The following FOXP2 variants were observed in gnomAD, a reference collection of about 807,000 sequenced individuals.
The protein encoded by FOXP2 is forkhead box P2, also known as forkhead box protein P2.
Under a neutral mutation model 115.8 loss-of-function variants are expected in FOXP2, and 12 were observed. That is an observed-to-expected ratio of 0.10 (90% CI 0.07 to 0.17). The LOEUF (loss-of-function observed/expected upper bound fraction) is 0.17. FOXP2 is among the 10% of genes least tolerant of loss of function. The probability of loss-of-function intolerance (pLI) is 1.00; values close to 1 mark genes in which losing one functional copy is unlikely to be tolerated. For synonymous variants in FOXP2, 328 were observed against 297.7 expected, an observed-to-expected ratio of 1.10 and a Z score of -1.05; for missense variants, 629 against 843.5, an observed-to-expected ratio of 0.75 and a Z score of 3.15.
intron 16 of FOXP2, among the ~76,000 whole-genome samples, chr7:114,685,065 G>T (rs1230998667): frequency 6.6e-6 from 1 of 151,750 alleles, no homozygotes; most frequent in Admixed American, 6.6e-5. Context: ...ATGGATTTAG[G>T]CTTTTACTAT....
rs948620804 is a variant in FOXP2, at chr7:114,218,895, G to A, written c.-102+55807G>A. Among the ~76,000 whole-genome samples the A allele has an allele frequency of 7.9e-5, 12 of 152,190 alleles. No individual in the cohort carries two copies. The East Asian group carries it at 1.9e-3, about 25-fold the overall frequency. ...CGTATTATTATATCAAATCATGCTTGATATATTTTGGTACCAGCTGCCGTC... is the reference window on the plus strand; with the variant it reads ...CGTATTATTATATCAAATCATGCTTAATATATTTTGGTACCAGCTGCCGTC... On this transcript the variant is annotated intron_variant, in intron 1 of 17. Coordinates refer to the FOXP2 transcript ENST00000634411.
At chr7:114,311,287 G>T (rs910244337) in intron 2 of FOXP2, among the ~76,000 whole-genome samples, 1 of 152,122 alleles carries the variant, frequency 6.6e-6, no homozygotes, top group Non-Finnish European at 1.5e-5. Context: ...CCAAGACCCA[G>T]ATTCTTTGGG....
intron 2 of FOXP2, among the ~76,000 whole-genome samples, chr7:114,513,398 A>T (rs933434347): frequency 2.0e-5 from 3 of 152,176 alleles, no homozygotes; most frequent in Non-Finnish European, 4.4e-5. Context: ...CCTAGTAAAG[A>T]AGTAGTTACC....
intron 1 of FOXP2, among the ~76,000 whole-genome samples, chr7:114,420,690 G>T (rs1793582415): frequency 6.6e-6 from 1 of 151,766 alleles, no homozygotes; most frequent in African/African-American, 2.4e-5. Context: ...AACTCAATTT[G>T]TCAGAGGTTA....
chr7:114,405,405 CA>C (rs1453273239), intron 2 of FOXP2, among the ~76,000 whole-genome samples: 2 of 151,822 alleles, frequency 1.3e-5, no homozygotes, highest in Non-Finnish European at 3.0e-5. Flanking sequence ...CTATTAATTA[CA>C]CACTTCCCAT....
At chr7:114,507,072 T>C (rs1797857833) in intron 2 of FOXP2, among the ~76,000 whole-genome samples, 1 of 151,840 alleles carries the variant, frequency 6.6e-6, no homozygotes, top group Admixed American at 6.6e-5. Flanking sequence ...AAATAAATAC[T>C]GTTGATGTTT....
chr7:114,456,415 T>C (rs147992632), intron 2 of FOXP2, among the ~76,000 whole-genome samples: 2 of 152,310 alleles, frequency 1.3e-5, no homozygotes, highest in Non-Finnish European at 2.9e-5. Flanking sequence ...CTCTGACCCT[T>C]AGTAGTTTTA....
rs546863201 is a variant in FOXP2 at position 114,483,474 on chromosome 7, C to T, written c.169-51143C>T. Among the ~76,000 whole-genome samples the T allele has an allele frequency of 2.0e-5, 3 of 151,676 alleles. No individual in the cohort carries two copies. The South Asian group carries it at 6.2e-4, about 31-fold the overall frequency. On this transcript the variant is annotated intron_variant, in intron 2 of 16. Coordinates refer to ENST00000350908, the MANE Select transcript of FOXP2 (RefSeq NM_014491.4). ...TTGGTATCTCTGAAATAAAATTTGC[C>T]TCAGGAAGTTTGAATATGCTAGTAC...
At chr7:114,271,235 T>A (rs1796027448) in intron 1 of FOXP2, among the ~76,000 whole-genome samples, 1 of 151,584 alleles carries the variant, frequency 6.6e-6, no homozygotes, top group Admixed American at 6.6e-5. Context: ...AAAGAGAGTT[T>A]TATTTTATTT....
At chr7:114,564,630 A>G (rs1800915160) in intron 3 of FOXP2, among the ~76,000 whole-genome samples, 1 of 152,078 alleles carries the variant, frequency 6.6e-6, no homozygotes, top group South Asian at 2.1e-4. Flanking sequence ...CTATAATCTC[A>G]GCACTTTGGG....
chr7:114,520,102 G>T (rs1798541973), intron 2 of FOXP2, among the ~76,000 whole-genome samples: 1 of 152,098 alleles, frequency 6.6e-6, no homozygotes, highest in African/African-American at 2.4e-5. Flanking sequence ...CACAGGATAA[G>T]TTACCTAGGT....
intron 3 of FOXP2, among the ~76,000 whole-genome samples, chr7:114,583,662 G>C (rs1214517792): frequency 6.6e-6 from 1 of 152,162 alleles, no homozygotes; most frequent in Non-Finnish European, 1.5e-5. Context: ...ATAGTTGTCT[G>C]TTCACCGATG....
chr7:114,235,901 C>T (rs1794996278), intron 1 of FOXP2, among the ~76,000 whole-genome samples: 1 of 152,190 alleles, frequency 6.6e-6, no homozygotes, highest in Non-Finnish European at 1.5e-5. Flanking sequence ...CTCTGTAAAG[C>T]ATTCTTTGAT....
chr7:114,643,784 A>G (rs1805716727), intron 7 of FOXP2, among the ~76,000 whole-genome samples: 2 of 152,128 alleles, frequency 1.3e-5, no homozygotes, highest in Non-Finnish European at 2.9e-5. Context: ...TCTTAACATA[A>G]TGGCTTAGGC....
chr7:114,368,482 C>T (rs1267995798), intron 2 of FOXP2, among the ~76,000 whole-genome samples: 1 of 152,166 alleles, frequency 6.6e-6, no homozygotes, highest in Non-Finnish European at 1.5e-5. Context: ...ATGTCAAACC[C>T]TCCAGTTTTG....
At chr7:114,258,964 A>G (rs1394049954) in intron 1 of FOXP2, among the ~76,000 whole-genome samples, 6 of 152,190 alleles carry the variant, frequency 3.9e-5, no homozygotes, top group Non-Finnish European at 7.3e-5. Context: ...AGAGGAGAAT[A>G]TTATAGTCTT....
At chr7:114,379,473 C>G (rs1465286013) in intron 2 of FOXP2, among the ~76,000 whole-genome samples, 1 of 152,062 alleles carries the variant, frequency 6.6e-6, no homozygotes, top group Non-Finnish European at 1.5e-5. Context: ...GATGACCACT[C>G]TAACTGCTTC....
At chr7:114,664,042 T>C (rs1245976092) in intron 15 of FOXP2, among the ~76,000 whole-genome samples, 1 of 152,144 alleles carries the variant, frequency 6.6e-6, no homozygotes, top group Non-Finnish European at 1.5e-5. Flanking sequence ...GGTTGAAACA[T>C]GAGTGAGAAA....
chr7:114,098,991 C>T (rs905570512), intron 1 of FOXP2, among the ~76,000 whole-genome samples: 4 of 151,900 alleles, frequency 2.6e-5, no homozygotes, highest in African/African-American at 7.3e-5. Flanking sequence ...AAAAATTAGC[C>T]GGGCATGGTG....
Sources: allele counts gnomAD v4.1 joint callset (sites outside exome capture counted in the v4.1 genomes callset), GRCh38; gene constraint gnomAD v4.1.1; transcripts MANE v1.5; gene names NCBI Gene and HGNC (gene_info 2026-07-23, HGNC 2026-07-21).